NEGR1: variants seen among roughly 807,000 people sequenced by gnomAD.
NEGR1 encodes IgLON family member 4.
In NEGR1, 10 loss-of-function variants were observed where a neutral mutation model predicts 40.9. The ratio of observed to expected loss-of-function variants is 0.24; its 90% CI spans 0.15 to 0.42. The LOEUF (loss-of-function observed/expected upper bound fraction) is 0.42, where lower values mean the gene tolerates loss of function less well. Among genes scored for constraint, NEGR1 ranks in the 10% least tolerant of loss-of-function variants. The pLI is 1.00. For missense variants in NEGR1, 352 were observed against 438.9 expected (o/e 0.80, Z 1.77); for synonymous variants, 185 against 166.8 (o/e 1.11, Z -0.84).
At chr1:71,710,150 A>G (rs1205262576) in intron 3 of NEGR1, among the ~76,000 whole-genome samples, 1 of 152,240 alleles carries the variant, frequency 6.6e-6, no homozygotes, top group Admixed American at 6.5e-5. Flanking sequence ...AATCAACATC[A>G]TTGGTCATCA....
intron 4 of NEGR1, among the ~76,000 whole-genome samples, chr1:71,617,010 C>T (rs1234387498): frequency 6.6e-6 from 1 of 152,194 alleles, no homozygotes; most frequent in Non-Finnish European, 1.5e-5. Context: ...TGCTGTACCA[C>T]ATGGAGACCA....
At chr1:72,096,229 A>G (rs531825689) in intron 1 of NEGR1, among the ~76,000 whole-genome samples, 6 of 152,192 alleles carry the variant, frequency 3.9e-5, no homozygotes, top group Non-Finnish European at 8.8e-5. Flanking sequence ...GTTTTTTAAA[A>G]GGAAAATGCT....
At chr1:71,686,500 G>A (rs991131034) in intron 4 of NEGR1, among the ~76,000 whole-genome samples, 1 of 152,100 alleles carries the variant, frequency 6.6e-6, no homozygotes, top group East Asian at 1.9e-4. Context: ...CCATTAACTA[G>A]AAAGGAAAAT....
At chr1:72,156,943 T>C (rs1027939392) in intron 1 of NEGR1, among the ~76,000 whole-genome samples, 1 of 100,266 alleles carries the variant, frequency 1.0e-5, no homozygotes, top group African/African-American at 3.4e-5. Context: ...GTATGTGTTT[T>C]GTTGTTGTTG....
intron 6 of NEGR1, among the ~76,000 whole-genome samples, chr1:71,549,750 A>G (rs1158083984): frequency 6.6e-6 from 1 of 151,628 alleles, no homozygotes; most frequent in Admixed American, 6.6e-5. Context: ...TATAATATCT[A>G]CTTTGCCAGA....
At chr1:71,822,019 G>GT (rs1295306734) in intron 2 of NEGR1, among the ~76,000 whole-genome samples, 10 of 151,348 alleles carry the variant, frequency 6.6e-5, no homozygotes, top group South Asian at 2.1e-4. Flanking sequence ...TTTCCAGAAG[G>GT]GTTTTTTTTT....
chr1:71,930,813 G>A (rs1645848696), intron 2 of NEGR1, among the ~76,000 whole-genome samples: 1 of 152,198 alleles, frequency 6.6e-6, no homozygotes. Context: ...ATAGTAAGAA[G>A]TAGAGCTGCA....
chr1:72,144,974 C>A (rs1432786950), intron 1 of NEGR1, among the ~76,000 whole-genome samples: 1 of 152,028 alleles, frequency 6.6e-6, no homozygotes, highest in Non-Finnish European at 1.5e-5. Context: ...ATTCTGGATA[C>A]CTTACCTATG....
intron 6 of NEGR1, among the ~76,000 whole-genome samples, chr1:71,409,312 A>G (rs902382469): frequency 5.9e-5 from 9 of 152,060 alleles, no homozygotes; most frequent in African/African-American, 2.2e-4. Context: ...TTTTTCAAGA[A>G]TGTCAAGTGT....
At chr1:72,076,512 C>A (rs966758526) in intron 1 of NEGR1, among the ~76,000 whole-genome samples, 2 of 138,222 alleles carry the variant, frequency 1.4e-5, no homozygotes, top group Admixed American at 7.2e-5. Flanking sequence ...CCCATCCCCA[C>A]CCCCCCTGCC....
chr1:71,980,702 CA>C (rs1646347090), intron 1 of NEGR1, among the ~76,000 whole-genome samples: 1 of 152,098 alleles, frequency 6.6e-6, no homozygotes, highest in African/African-American at 2.4e-5. Context: ...CTCAGTATCA[CA>C]AATATGCAGT....
intron 1 of NEGR1, among the ~76,000 whole-genome samples, chr1:72,046,911 C>T (rs1009125908): frequency 1.3e-5 from 2 of 151,668 alleles, no homozygotes; most frequent in African/African-American, 2.4e-5. Flanking sequence ...TATTAGAATG[C>T]TATTTCACAG....
intron 1 of NEGR1, among the ~76,000 whole-genome samples, chr1:72,125,881 G>C (rs1649995861): frequency 6.6e-6 from 1 of 152,126 alleles, no homozygotes; most frequent in Non-Finnish European, 1.5e-5. Context: ...TATGGCTAGT[G>C]ACACAGGAAA....
intron 1 of NEGR1, among the ~76,000 whole-genome samples, chr1:72,164,094 A>T (rs886472743): frequency 3.9e-5 from 6 of 152,018 alleles, no homozygotes; most frequent in East Asian, 1.9e-4. Flanking sequence ...GTAAGTTTTC[A>T]GGTCACTGAG....
intron 2 of NEGR1, among the ~76,000 whole-genome samples, chr1:71,883,345 C>A (rs1333733149): frequency 6.6e-6 from 1 of 151,984 alleles, no homozygotes; most frequent in Non-Finnish European, 1.5e-5. Flanking sequence ...TTATATACAT[C>A]AAACTTCCAC....
At chr1:71,903,088 G>C (rs1661184024) in intron 2 of NEGR1, among the ~76,000 whole-genome samples, 1 of 151,812 alleles carries the variant, frequency 6.6e-6, no homozygotes, top group Non-Finnish European at 1.5e-5. Context: ...TAAAAAGGAA[G>C]AAACTTGATC....
At chr1:71,449,895 G>C (rs529763601) in intron 6 of NEGR1, among the ~76,000 whole-genome samples, 1 of 151,854 alleles carries the variant, frequency 6.6e-6, no homozygotes, top group African/African-American at 2.4e-5. Flanking sequence ...TATTCTCATT[G>C]AGTGATATAA....
chr1:71,684,989 T>G (rs1253689422), intron 4 of NEGR1, among the ~76,000 whole-genome samples: 2 of 152,218 alleles, frequency 1.3e-5, no homozygotes, highest in Non-Finnish European at 2.9e-5. Flanking sequence ...TTCTTCATTT[T>G]GCTTTAGGTT....
chr1:71,824,642 T>A (rs1330742256), intron 2 of NEGR1, among the ~76,000 whole-genome samples: 1 of 151,938 alleles, frequency 6.6e-6, no homozygotes, highest in Non-Finnish European at 1.5e-5. Flanking sequence ...ATAGAATATT[T>A]CCATTCACTC....
Sources: allele counts gnomAD v4.1 joint callset (sites outside exome capture counted in the v4.1 genomes callset), GRCh38; gene constraint gnomAD v4.1.1; transcripts MANE v1.5; gene names NCBI Gene and HGNC (gene_info 2026-07-23, HGNC 2026-07-21).